The following MMD variants were observed in gnomAD, a reference collection of about 807,000 sequenced individuals.
MMD encodes the protein monocyte to macrophage differentiation factor.
A neutral mutation model predicts 33.6 loss-of-function variants in MMD; 22 were observed. That is an observed-to-expected ratio of 0.66 (90% confidence interval 0.47 to 0.94). The LOEUF (loss-of-function observed/expected upper bound fraction) is 0.94. Ranked by LOEUF, MMD falls within the 40% of genes least tolerant of loss-of-function variation. The pLI is 0.00. For missense variants in MMD, 242 were observed against 309.8 expected (o/e 0.78, Z 1.64); for synonymous variants, 97 against 103.2 (o/e 0.94, Z 0.36).
At chr17:55,400,834 A>G (rs1907299282) in intron 6 of MMD, among the ~76,000 whole-genome samples, 2 of 152,212 alleles carry the variant, frequency 1.3e-5, no homozygotes, top group South Asian at 4.1e-4. Context: ...AGGGAATTCA[A>G]ATATATACAT....
chr17:55,401,478 C>G lies in MMD; in HGVS notation c.507G>C (p.Val169=). 3 of 1,608,850 alleles carry G rather than the reference C, an allele frequency of 1.9e-6. No homozygotes were observed. The highest frequency in any genetic ancestry group is 2.5e-6 in the Non-Finnish European group (3 of 1,177,958). The change falls in exon 6 of 7, where the codon GTG becomes GTC. Residue 169 remains valine (V), a synonymous_variant. Coordinates refer to ENST00000262065, the MANE Select transcript of MMD (RefSeq NM_012329.3). The part of the protein sequence containing the change: ...LTMGFSPALV[V]TSMNNTDGLQ... ...TGAAGCCATGTCTTACCATTGATGT[C>G]ACCACCAAGGCTGGAGAGAATCCCA... is the stretch of plus-strand genomic sequence containing the variant.
At chr17:55,404,565 C>G (rs531917539) in intron 4 of MMD, 1 of 985,108 alleles carries the variant, frequency 1.0e-6, no homozygotes, top group Non-Finnish European at 1.2e-6. Context: ...AAAATTTTGA[C>G]GCAGGATCAG....
chr17:55,398,106 T>C (rs1040612235), intron 6 of MMD, among the ~76,000 whole-genome samples: 8 of 81,964 alleles, frequency 9.8e-5, no homozygotes, highest in African/African-American at 4.4e-4. Context: ...TAACTATTAT[T>C]TCTTCAAAAA....
At chr17:55,421,584 A>G in intron 1 of MMD, 86 bp downstream of exon 1, 1 of 1,557,884 alleles carries the variant, frequency 6.4e-7, no homozygotes, top group South Asian at 1.1e-5. Flanking sequence ...AATCCAGGTG[A>G]GGAGCCGGGA....
intron 6 of MMD, among the ~76,000 whole-genome samples, chr17:55,399,008 C>G (rs1404636512): frequency 6.6e-6 from 1 of 152,226 alleles, no homozygotes; most frequent in Non-Finnish European, 1.5e-5. Context: ...ATTTCTGAAG[C>G]ATCCTCCCTG....
intron 4 of MMD, chr17:55,404,687 T>C: frequency 1.0e-6 from 1 of 985,172 alleles, no homozygotes; most frequent in Non-Finnish European, 1.2e-6. Context: ...GGAAGACATT[T>C]TGGTAGAATT....
chr17:55,418,178 T>C (rs1908043554), intron 1 of MMD, among the ~76,000 whole-genome samples: 1 of 152,236 alleles, frequency 6.6e-6, no homozygotes, highest in Non-Finnish European at 1.5e-5. Context: ...TGAAGTATCA[T>C]TTCAACCCTC....
At chr17:55,414,069 C>G (rs746839587) in intron 2 of MMD, 82 bp downstream of exon 2, 1 of 1,321,878 alleles carries the variant, frequency 7.6e-7, no homozygotes. Context: ...ACTAATTGTG[C>G]TGAGGTTACT....
chr17:55,404,181 C>T (rs184773746), intron 4 of MMD, among the ~76,000 whole-genome samples: 1 of 152,030 alleles, frequency 6.6e-6, no homozygotes, highest in African/African-American at 2.4e-5. Flanking sequence ...ATGGTGAAAC[C>T]CCATCTCTAC....
chr17:55,403,720 T>G, intron 5 of MMD, 47 bp downstream of exon 5: 2 of 1,403,922 alleles, frequency 1.4e-6, no homozygotes, highest in Non-Finnish European at 2.0e-6. Context: ...AGATAATATT[T>G]AGGCAGTCAA....
At chr17:55,408,276 T>G (rs563217198) in intron 3 of MMD, among the ~76,000 whole-genome samples, 16 of 152,320 alleles carry the variant, frequency 1.1e-4, no homozygotes, top group Admixed American at 1.0e-3. Context: ...AATCACATTC[T>G]TTGTGTCTTT....
intron 4 of MMD, among the ~76,000 whole-genome samples, chr17:55,405,626 G>T (rs1907515584): frequency 6.6e-6 from 1 of 152,084 alleles, no homozygotes; most frequent in South Asian, 2.1e-4. Flanking sequence ...CACCCTGTAG[G>T]TTCCTACTGA....
chr17:55,416,480 G>A (rs1411517106), intron 1 of MMD, among the ~76,000 whole-genome samples: 1 of 152,138 alleles, frequency 6.6e-6, no homozygotes, highest in Non-Finnish European at 1.5e-5. Context: ...CGGGCAATAG[G>A]GAAAGATAAG....
Position 55,407,728 on chromosome 17 carries a change from AG to A in MMD, c.344+17del. 6.3e-7 allele frequency: 1 copy of A among 1,585,308 alleles called. No individual in the cohort carries two copies. The highest frequency in any genetic ancestry group is 1.1e-5 in the South Asian group (1 of 87,172). On this transcript the variant is annotated intron_variant, in intron 4 of 6. Transcript: ENST00000262065. The stretch of plus-strand genomic sequence containing the variant: ...TCATAAAATCACTACCTTCGAAAAT[AG>A]GAAGACTGTATCTTACCATGGAGCA...
chr17:55,407,642 C>T, intron 4 of MMD, 104 bp downstream of exon 4: 1 of 991,794 alleles, frequency 1.0e-6, no homozygotes, highest in Non-Finnish European at 1.5e-6. Context: ...AGGTGGTGTA[C>T]ACATGAGGGC....
intron 6 of MMD, among the ~76,000 whole-genome samples, chr17:55,395,122 T>C (rs766276558): frequency 2.0e-5 from 3 of 152,258 alleles, no homozygotes; most frequent in Non-Finnish European, 2.9e-5. Context: ...CCTAGCCTTC[T>C]AGATGTCTCC....
At chr17:55,419,604 GTAC>G (rs141105298) in intron 1 of MMD, among the ~76,000 whole-genome samples, 56,871 of 151,932 alleles carry the variant, frequency 0.37, 11,469 homozygotes, top group Non-Finnish European at 0.46. Flanking sequence ...ATGCAGAATA[GTAC>G]TACTCTCAGC....
At position 55,394,400 on chromosome 17, in the gene MMD, T is replaced by C. The variant is rs753753583; in HGVS notation, c.651A>G (p.Ala217=). ...ATTTCCAAATGGCGTAGTAATGCAC[T>C]GCAGCTGCCGTGGCCACAAACAGGT... ...IWHLFVATAA[A]VHYYAIWKYL... Residue 217 remains alanine (A), a synonymous_variant, in exon 7 of 7, where the codon GCA becomes GCG. Coordinates refer to ENST00000262065, the MANE Select transcript of MMD (RefSeq NM_012329.3). 60 of 1,500,934 alleles carry C rather than the reference T, an allele frequency of 4.0e-5. No individual in the cohort carries two copies. The highest frequency in any genetic ancestry group is 5.2e-5 in the Non-Finnish European group (59 of 1,130,760). The allele number at this position is 1,500,934 out of a possible 1,614,324, so 93.0% of individuals were successfully genotyped here.
Position 55,393,631 on chromosome 17 carries a change from C to A in MMD, c.*703G>T, listed in dbSNP as rs2143109448. 1 of 152,768 alleles carries A rather than the reference C, an allele frequency of 6.5e-6. No homozygotes were observed. Among genetic ancestry groups the A allele is most frequent in the South Asian group, 2.1e-4 (1 of 4,824 alleles). The allele number at this position is 152,768 out of a possible 1,614,324, so 9.5% of individuals were successfully genotyped here. On this transcript the variant is annotated 3_prime_UTR_variant, in exon 7 of 7. Coordinates refer to ENST00000262065, the MANE Select transcript of MMD (RefSeq NM_012329.3). The stretch of plus-strand genomic sequence containing the variant: ...GCTAGGTCAAGTATATGTCCCAAAG[C>A]AGCACTGAATTCAGAGTAAGAGGTT...
Sources: gnomAD v4.1 joint callset for allele counts (sites outside exome capture counted in the v4.1 genomes callset) on GRCh38, gnomAD v4.1.1 for gene constraint, MANE v1.5 for transcripts, NCBI Gene and HGNC (gene_info 2026-07-23, HGNC 2026-07-21) for gene names.